SPECC1L: variants seen among roughly 807,000 people sequenced by gnomAD.
SPECC1L encodes cytospin-A.
Under a neutral mutation model 116.8 loss-of-function variants are expected in SPECC1L, and 40 were observed. That is an observed-to-expected ratio of 0.34 (90% CI 0.27 to 0.45). The LOEUF (loss-of-function observed/expected upper bound fraction) is 0.45. Among genes scored for constraint, SPECC1L ranks in the 20% least tolerant of loss-of-function variants. SPECC1L has a pLI of 1.00. For synonymous variants in SPECC1L, 504 were observed against 500.6 expected, an observed-to-expected ratio of 1.01 and a Z score of -0.09; for missense variants, 1,110 against 1,373.6, an observed-to-expected ratio of 0.81 and a Z score of 3.03.
intron 14 of SPECC1L, among the ~76,000 whole-genome samples, chr22:24,371,740 G>T (rs2041874580): frequency 6.6e-6 from 1 of 152,188 alleles, no homozygotes; most frequent in Non-Finnish European, 1.5e-5. Flanking sequence ...GATCGATTGA[G>T]AGACAGAGTC....
At chr22:24,395,821 A>G (rs1342908530) in intron 14 of SPECC1L, among the ~76,000 whole-genome samples, 1 of 151,988 alleles carries the variant, frequency 6.6e-6, no homozygotes, top group Non-Finnish European at 1.5e-5. Flanking sequence ...TTGCATTTTT[A>G]ATAGAGACAG....
At chr22:24,316,532 C>T (rs1050651408) in intron 4 of SPECC1L, among the ~76,000 whole-genome samples, 13 of 149,892 alleles carry the variant, frequency 8.7e-5, no homozygotes, top group African/African-American at 2.5e-4. Context: ...CATCTTGCAC[C>T]GCCCTTAATC....
intron 2 of SPECC1L, among the ~76,000 whole-genome samples, chr22:24,279,287 T>TA (rs1342558365): frequency 2.0e-5 from 3 of 152,240 alleles, no homozygotes; most frequent in African/African-American, 7.2e-5. Flanking sequence ...TGTATGTAGA[T>TA]ATGCAACCTG....
chr22:24,330,112 A>G (rs773415490), intron 7 of SPECC1L, 144 bp from the exon 8 acceptor site: 139 of 787,124 alleles, frequency 1.8e-4, no homozygotes, highest in Middle Eastern at 1.5e-3. Context: ...AATAGATACT[A>G]GCAATTCTCT....
chr22:24,365,523 G>C lies in SPECC1L; in HGVS notation c.2875G>C (p.Glu959Gln), dbSNP rs2041743823. The change falls in exon 13 of 17, where the codon GAG becomes CAG. Residue 959 changes from glutamate to glutamine, a missense_variant. Physicochemically the swap from Glu to Gln is conservative, Grantham distance 29. Coordinates refer to ENST00000314328, the MANE Select transcript of SPECC1L (RefSeq NM_015330.6). ...EEVKRDISAQEGASPASLMAM... is the reference protein window; with the variant it reads ...EEVKRDISAQQGASPASLMAM... ...AGTGAAACGGGACATTTCTGCACAG[G>C]AGGGAGCGTCGCCAGCCTCTCTGAT... 1 of 1,614,158 alleles carries C rather than the reference G, an allele frequency of 6.2e-7. No individual in the cohort carries two copies. Among genetic ancestry groups the C allele is most frequent in the African/African-American group, 1.3e-5 (1 of 75,052 alleles).
chr22:24,315,947 G>A (rs1280916554), intron 4 of SPECC1L, among the ~76,000 whole-genome samples: 1 of 151,990 alleles, frequency 6.6e-6, no homozygotes, highest in Non-Finnish European at 1.5e-5. Context: ...GTTGGATTAG[G>A]GCCCACCCTA....
intron 10 of SPECC1L, among the ~76,000 whole-genome samples, chr22:24,346,337 G>T (rs764636320): frequency 8.7e-4 from 132 of 152,324 alleles, no homozygotes; most frequent in Non-Finnish European, 1.7e-3. Flanking sequence ...TGCATATGCA[G>T]AAGTCTGGCG....
At chr22:24,358,425 T>C (rs1168147353) in intron 11 of SPECC1L, among the ~76,000 whole-genome samples, 1 of 152,208 alleles carries the variant, frequency 6.6e-6, no homozygotes, top group Non-Finnish European at 1.5e-5. Context: ...CTTGATTCTA[T>C]TATATTCCTC....
chr22:24,271,156 C>CCG (rs1403557485), intron 1 of SPECC1L, among the ~76,000 whole-genome samples, 173 bp downstream of exon 1: 1 of 152,260 alleles, frequency 6.6e-6, no homozygotes, highest in African/African-American at 2.4e-5. Flanking sequence ...CTTTCCCTTC[C>CCG]CGCGCCGTCC....
At chr22:24,313,633 C>T (rs1422597580) in intron 4 of SPECC1L, among the ~76,000 whole-genome samples, 167 bp downstream of exon 4, 1 of 152,142 alleles carries the variant, frequency 6.6e-6, no homozygotes, top group Non-Finnish European at 1.5e-5. Flanking sequence ...AACTCATAGC[C>T]AGTTGTAACT....
At chr22:24,324,511 C>A in intron 6 of SPECC1L, 84 bp downstream of exon 6, 1 of 1,282,236 alleles carries the variant, frequency 7.8e-7, no homozygotes, top group Non-Finnish European at 1.1e-6. Context: ...TAAAATAGGG[C>A]TGGGCACGGT....
At chr22:24,332,170 A>G (rs2040952219) in intron 8 of SPECC1L, among the ~76,000 whole-genome samples, 1 of 152,214 alleles carries the variant, frequency 6.6e-6, no homozygotes, top group Non-Finnish European at 1.5e-5. Flanking sequence ...CTTAAAGGAA[A>G]ACAACTGACA....
chr22:24,290,415 A>T (rs1016228480), intron 2 of SPECC1L, among the ~76,000 whole-genome samples: 1 of 152,202 alleles, frequency 6.6e-6, no homozygotes, highest in African/African-American at 2.4e-5. Flanking sequence ...ATGGGAAACT[A>T]CCCTGTTAAA....
rs1193902640 is a variant in SPECC1L at position 24,321,943 on chromosome 22, A to C, written c.963A>C (p.Ser321=). ...TSSVEGSAPG[S]VEDLLSQDEN... is the part of the protein sequence containing the mutation. ...CAGTGGAAGGCTCTGCCCCTGGCTC[A>C]GTGGAGGATCTCTTGAGTCAGGATG... Residue 321 remains serine (S), a synonymous_variant, in exon 5 of 17, where the codon TCA becomes TCC. Transcript: ENST00000314328. The C allele has an allele frequency of 1.2e-6, 2 of 1,614,246 alleles. No individual in the cohort carries two copies. The highest frequency in any genetic ancestry group is 2.2e-5 in the East Asian group (1 of 44,884).
chr22:24,360,400 G>A (rs570730194), intron 11 of SPECC1L, among the ~76,000 whole-genome samples: 13 of 152,238 alleles, frequency 8.5e-5, no homozygotes, highest in African/African-American at 3.1e-4. Flanking sequence ...ACCCTATTTG[G>A]GTTCTCAGTG....
intron 14 of SPECC1L, among the ~76,000 whole-genome samples, chr22:24,399,385 A>G (rs964170682): frequency 1.3e-5 from 2 of 152,178 alleles, no homozygotes; most frequent in East Asian, 1.9e-4. Flanking sequence ...CCTGGCTAAC[A>G]TGGTGAAACT....
At chr22:24,412,790 T>G (rs2042725200) in intron 16 of SPECC1L, 83 bp downstream of exon 16, 1 of 1,479,122 alleles carries the variant, frequency 6.8e-7, no homozygotes, top group Non-Finnish European at 9.4e-7. Context: ...TGAATCCTCG[T>G]GGGCATGGGG....
intron 14 of SPECC1L, among the ~76,000 whole-genome samples, chr22:24,379,245 G>A (rs1466152011): frequency 6.6e-6 from 1 of 151,750 alleles, no homozygotes; most frequent in African/African-American, 2.4e-5. Context: ...AGGCATGGTA[G>A]CAATCCTCCT....
intron 11 of SPECC1L, among the ~76,000 whole-genome samples, chr22:24,361,719 C>T (rs1267302642): frequency 6.6e-6 from 1 of 152,014 alleles, no homozygotes; most frequent in Non-Finnish European, 1.5e-5. Context: ...TCACTTGAGC[C>T]TGGGAGGCAG....
Sources: gnomAD v4.1 joint callset for allele counts (sites outside exome capture counted in the v4.1 genomes callset) on GRCh38, gnomAD v4.1.1 for gene constraint, MANE v1.5 for transcripts, NCBI Gene and HGNC (gene_info 2026-07-23, HGNC 2026-07-21) for gene names.